The following TBC1D1 variants were observed in gnomAD, a reference collection of about 807,000 sequenced individuals.
The protein encoded by TBC1D1 is TBC1 (tre-2/USP6, BUB2, cdc16) domain family, member 1.
In TBC1D1, 89 loss-of-function variants were observed where a neutral mutation model predicts 125.6. The ratio of observed to expected loss-of-function variants is 0.71; its 90% CI spans 0.60 to 0.85. The LOEUF (loss-of-function observed/expected upper bound fraction) is 0.85. Among genes scored for constraint, TBC1D1 ranks in the 40% least tolerant of loss-of-function variants. The pLI is 0.00. For synonymous variants in TBC1D1, 565 were observed against 564.1 expected (o/e 1.00, Z -0.02); for missense variants, 1,377 against 1,469.2 (o/e 0.94, Z 1.03).
At chr4:37,901,119 G>A (rs972096760) in intron 1 of TBC1D1, among the ~76,000 whole-genome samples, 4 of 151,874 alleles carry the variant, frequency 2.6e-5, no homozygotes, top group Non-Finnish European at 4.4e-5. Context: ...ATGTAGTTAA[G>A]GGAGTTTGGG....
intron 2 of TBC1D1, among the ~76,000 whole-genome samples, chr4:37,969,028 C>G (rs1731567319): frequency 1.3e-5 from 2 of 152,246 alleles, no homozygotes; most frequent in South Asian, 4.2e-4. Flanking sequence ...TTAGACACAG[C>G]AACTCATAAA....
At position 38,021,254 on chromosome 4, in the gene TBC1D1, A is replaced by T. The variant is rs1387453037; in HGVS notation, c.1078-332A>T. On this transcript the variant is annotated intron_variant, in intron 5 of 19. Coordinates refer to ENST00000261439, the MANE Select transcript of TBC1D1 (RefSeq NM_015173.4). ...ATTCACTATCATAGAACAGCACAGGAAAGACCCACTCCCATGATTCAATTA... is the reference window on the plus strand; with the variant it reads ...ATTCACTATCATAGAACAGCACAGGTAAGACCCACTCCCATGATTCAATTA... Among the ~76,000 whole-genome samples, 136 of 152,318 alleles carry T rather than the reference A, an allele frequency of 8.9e-4. 1 individual carries two copies. The highest frequency in any genetic ancestry group is 4.4e-5 in the Non-Finnish European group (3 of 68,024).
chr4:37,933,777 T>C (rs913736784), intron 2 of TBC1D1, among the ~76,000 whole-genome samples: 2 of 147,652 alleles, frequency 1.4e-5, no homozygotes, highest in African/African-American at 5.4e-5. Flanking sequence ...TCACCATGGG[T>C]AGGCTGGTAG....
At chr4:37,903,359 T>C (rs1716568062) in intron 2 of TBC1D1, among the ~76,000 whole-genome samples, 1 of 152,234 alleles carries the variant, frequency 6.6e-6, no homozygotes, top group Non-Finnish European at 1.5e-5. Context: ...ATTGAAAATA[T>C]AATGCAAATA....
intron 2 of TBC1D1, among the ~76,000 whole-genome samples, chr4:37,981,576 G>A (rs1209694134): frequency 1.3e-5 from 2 of 152,160 alleles, no homozygotes; most frequent in Non-Finnish European, 2.9e-5. Flanking sequence ...GTGGCTCCGG[G>A]CTGGGGTGGT....
intron 2 of TBC1D1, among the ~76,000 whole-genome samples, chr4:37,938,342 GTTCTGGGTGTAATA>G (rs375441207): frequency 3.1e-4 from 47 of 152,290 alleles, no homozygotes; most frequent in African/African-American, 1.1e-3. Flanking sequence ...AGGAAACCTA[GTTCTGGGTGTAATA>G]TTCTTCATTG....
At chr4:38,074,885 C>T (rs1242464781) in intron 12 of TBC1D1, among the ~76,000 whole-genome samples, 2 of 151,974 alleles carry the variant, frequency 1.3e-5, no homozygotes, top group African/African-American at 4.8e-5. Flanking sequence ...CTCAGCCTCC[C>T]GAGTAGCTGG....
chr4:38,052,385 G>A (rs1484874763), intron 11 of TBC1D1, among the ~76,000 whole-genome samples: 1 of 150,414 alleles, frequency 6.6e-6, no homozygotes, highest in African/African-American at 2.4e-5. Flanking sequence ...AGGCTGGAGT[G>A]CAGTGGCGTG....
intron 1 of TBC1D1, among the ~76,000 whole-genome samples, chr4:37,896,989 T>C (rs1213268449): frequency 6.6e-6 from 1 of 152,138 alleles, no homozygotes; most frequent in Non-Finnish European, 1.5e-5. Context: ...ACAGGTTTGC[T>C]GTAGAGGGAT....
At chr4:38,077,550 T>C (rs146000732) in intron 12 of TBC1D1, among the ~76,000 whole-genome samples, 4 of 152,256 alleles carry the variant, frequency 2.6e-5, no homozygotes, top group Admixed American at 2.0e-4. Flanking sequence ...AAATTAAATA[T>C]ATGAAATCTG....
chr4:38,101,194 A>T (rs757034363), intron 14 of TBC1D1, among the ~76,000 whole-genome samples: 20 of 152,380 alleles, frequency 1.3e-4, no homozygotes, highest in Admixed American at 5.2e-4. Context: ...AGGTGGCCAG[A>T]GACAGAAACC....
At chr4:38,023,413 T>G (rs775925704) in intron 6 of TBC1D1, among the ~76,000 whole-genome samples, 7 of 152,230 alleles carry the variant, frequency 4.6e-5, no homozygotes, top group Non-Finnish European at 8.8e-5. Context: ...TTAAGTCCAT[T>G]CACATTGTTG....
intron 7 of TBC1D1, among the ~76,000 whole-genome samples, chr4:38,032,671 A>G (rs1746392226): frequency 6.6e-6 from 1 of 151,974 alleles, no homozygotes; most frequent in South Asian, 2.1e-4. Context: ...TGTCTCTACT[A>G]AAAATACAAA....
At chr4:38,006,763 G>A (rs1740353751) in intron 2 of TBC1D1, 10 of 455,564 alleles carry the variant, frequency 2.2e-5, no homozygotes, top group South Asian at 1.2e-4. Flanking sequence ...ACAGGCGTGA[G>A]CCACTGCGCC....
At chr4:38,115,102 T>C (rs996496858) in intron 15 of TBC1D1, among the ~76,000 whole-genome samples, 2 of 70,364 alleles carry the variant, frequency 2.8e-5, no homozygotes, top group Admixed American at 2.4e-4. Flanking sequence ...TTTTTTCTTT[T>C]TTTTTTTTTT....
chr4:37,907,735 A>G (rs1717639523), intron 2 of TBC1D1, among the ~76,000 whole-genome samples: 1 of 152,168 alleles, frequency 6.6e-6, no homozygotes, highest in Non-Finnish European at 1.5e-5. Flanking sequence ...ACCTCATCAC[A>G]TCCCAAAGAA....
chr4:38,107,613 T>C (rs1356582301), intron 15 of TBC1D1, among the ~76,000 whole-genome samples: 1 of 148,564 alleles, frequency 6.7e-6, no homozygotes, highest in African/African-American at 2.5e-5. Context: ...GCAATGTGTT[T>C]TCCTCCAAAG....
chr4:37,951,556 C>T (rs1172320314), intron 2 of TBC1D1, among the ~76,000 whole-genome samples: 1 of 152,170 alleles, frequency 6.6e-6, no homozygotes, highest in African/African-American at 2.4e-5. Flanking sequence ...GAACTACAGG[C>T]TCTTTTTTAT....
At chr4:38,097,565 A>G (rs1415138905) in intron 14 of TBC1D1, among the ~76,000 whole-genome samples, 1 of 151,986 alleles carries the variant, frequency 6.6e-6, no homozygotes, top group Non-Finnish European at 1.5e-5. Context: ...GATGGTCTCG[A>G]TCTCCTGACC....
Sources: gnomAD v4.1 joint callset for allele counts (sites outside exome capture counted in the v4.1 genomes callset) on GRCh38, gnomAD v4.1.1 for gene constraint, MANE v1.5 for transcripts, NCBI Gene and HGNC (gene_info 2026-07-23, HGNC 2026-07-21) for gene names.